LRRIQ1: variants seen among roughly 807,000 people sequenced by gnomAD.
The protein encoded by LRRIQ1 is leucine-rich repeat- and IQ domain-containing protein 1.
A neutral mutation model predicts 211.9 loss-of-function variants in LRRIQ1; 210 were observed. That is an observed-to-expected ratio of 0.99 (90% CI 0.89 to 1.11). The LOEUF is 1.11. LRRIQ1 is among the 50% of genes most tolerant of loss of function. The pLI is 0.00. For missense variants in LRRIQ1, 2,136 were observed against 1,939.5 expected, an observed-to-expected ratio of 1.10 and a Z score of -1.90; for synonymous variants, 699 against 650.1, an observed-to-expected ratio of 1.08 and a Z score of -1.14.
In LRRIQ1 at chr12:85,056,866, T is replaced by G. The variant is rs754756028; in HGVS notation, c.2073T>G (p.Asn691Lys). ...HAPCEGLSNY[N>K]AESSMVSKEV... is the part of the protein sequence containing the mutation. ...CTTGTGAGGGCTTGAGTAACTATAA[T>G]GCAGAAAGCTCCATGGTATCTAAAG... Residue 691 changes from asparagine (N) to lysine (K), a missense_variant, in exon 8 of 27, where the codon AAT becomes AAG. Asn to Lys is a moderately conservative substitution (Grantham distance 94, BLOSUM62 0). Coordinates refer to ENST00000393217, the MANE Select transcript of LRRIQ1 (RefSeq NM_001079910.2). 23 of 1,613,334 alleles carry G rather than the reference T, an allele frequency of 1.4e-5. No homozygotes were observed. Among genetic ancestry groups the G allele is most frequent in the Non-Finnish European group, 1.9e-5 (22 of 1,179,624 alleles).
At chr12:85,176,360 T>C (rs148502344) in intron 24 of LRRIQ1, among the ~76,000 whole-genome samples, 1 of 151,976 alleles carries the variant, frequency 6.6e-6, no homozygotes, top group Admixed American at 6.6e-5. Context: ...TGATTTTGTA[T>C]CATGAGAGTT....
intron 18 of LRRIQ1, among the ~76,000 whole-genome samples, chr12:85,136,703 A>G (rs531387006): frequency 6.6e-6 from 1 of 151,858 alleles, no homozygotes; most frequent in South Asian, 2.1e-4. Context: ...TTCTGTATAT[A>G]TATATATTTC....
chr12:85,257,143 T>A (rs1456958865), intron 1 of LRRIQ1, among the ~76,000 whole-genome samples: 1 of 113,054 alleles, frequency 8.8e-6, no homozygotes, highest in Non-Finnish European at 1.8e-5. Context: ...ATATTATATA[T>A]TTATATGATT....
At chr12:85,075,421 C>T (rs570718250) in intron 11 of LRRIQ1, among the ~76,000 whole-genome samples, 1 of 152,172 alleles carries the variant, frequency 6.6e-6, no homozygotes, top group Middle Eastern at 3.4e-3. Context: ...CTGACATCTG[C>T]TTGGCTTCTA....
At chr12:85,262,737 C>G (rs1407664946) in intron 1 of LRRIQ1, among the ~76,000 whole-genome samples, 1 of 152,060 alleles carries the variant, frequency 6.6e-6, no homozygotes, top group Non-Finnish European at 1.5e-5. Context: ...TTATACCAAT[C>G]TTGATTATAC....
chr12:85,256,483 T>C (rs2137318226), intron 1 of LRRIQ1, among the ~76,000 whole-genome samples: 1 of 151,766 alleles, frequency 6.6e-6, no homozygotes, highest in East Asian at 1.9e-4. Flanking sequence ...TGGAGTGAAA[T>C]AACATAATAA....
chr12:85,090,788 A>T (rs1311520181), intron 11 of LRRIQ1, among the ~76,000 whole-genome samples: 1 of 152,166 alleles, frequency 6.6e-6, no homozygotes, highest in Non-Finnish European at 1.5e-5. Context: ...TTCTGAAATG[A>T]GTTAAGACTT....
chr12:85,211,905 A>T (rs2137072667), intron 24 of LRRIQ1, among the ~76,000 whole-genome samples: 1 of 152,274 alleles, frequency 6.6e-6, no homozygotes, highest in East Asian at 1.9e-4. Flanking sequence ...AGAATCATTC[A>T]GTTGTATGTG....
At chr12:85,053,984 G>T (rs1263393863) in intron 7 of LRRIQ1, among the ~76,000 whole-genome samples, 1 of 152,192 alleles carries the variant, frequency 6.6e-6, no homozygotes, top group African/African-American at 2.4e-5. Context: ...GTGGAATACA[G>T]ATTTATTACC....
intron 24 of LRRIQ1, among the ~76,000 whole-genome samples, chr12:85,193,215 T>C (rs1164201247): frequency 7.8e-6 from 1 of 128,904 alleles, no homozygotes; most frequent in African/African-American, 3.0e-5. Context: ...CTGAAAGTGA[T>C]GGGGAGAATG....
chr12:85,239,675 A>C (rs1033978109), intron 26 of LRRIQ1, among the ~76,000 whole-genome samples: 2 of 152,034 alleles, frequency 1.3e-5, no homozygotes, highest in Admixed American at 1.3e-4. Flanking sequence ...TAAAAGCCAA[A>C]ATTGTAAAAC....
intron 25 of LRRIQ1, among the ~76,000 whole-genome samples, chr12:85,232,495 A>G (rs1462502777): frequency 6.6e-6 from 1 of 152,174 alleles, no homozygotes; most frequent in Non-Finnish European, 1.5e-5. Flanking sequence ...TTAGAAATTG[A>G]GTTTTATCTC....
At chr12:85,123,410 C>G (rs1024875215) in intron 16 of LRRIQ1, among the ~76,000 whole-genome samples, 1 of 151,726 alleles carries the variant, frequency 6.6e-6, no homozygotes, top group Non-Finnish European at 1.5e-5. Context: ...AAAATGTAGC[C>G]AAGAATAAGG....
At chr12:85,114,698 G>T (rs1283821376) in intron 15 of LRRIQ1, among the ~76,000 whole-genome samples, 1 of 151,938 alleles carries the variant, frequency 6.6e-6, no homozygotes, top group East Asian at 1.9e-4. Flanking sequence ...AAAATGATTT[G>T]GCTATAATTT....
At chr12:85,251,501 G>C (rs1895942675) in intron 1 of LRRIQ1, among the ~76,000 whole-genome samples, 1 of 151,834 alleles carries the variant, frequency 6.6e-6, no homozygotes, top group Non-Finnish European at 1.5e-5. Context: ...TTTAGAGTTT[G>C]GGCAGTCTCA....
chr12:85,122,358 A>G (rs754163247), intron 16 of LRRIQ1, among the ~76,000 whole-genome samples: 2 of 152,120 alleles, frequency 1.3e-5, no homozygotes, highest in Non-Finnish European at 2.9e-5. Context: ...AGTAGAAAAA[A>G]GCAGTCAGCA....
intron 24 of LRRIQ1, among the ~76,000 whole-genome samples, chr12:85,194,467 A>C: frequency 6.7e-6 from 1 of 149,824 alleles, no homozygotes; most frequent in African/African-American, 2.5e-5. Context: ...AATTATAACA[A>C]ACTATCTCTC....
At chr12:85,052,982 A>C (rs1015865300) in intron 7 of LRRIQ1, among the ~76,000 whole-genome samples, 5 of 152,130 alleles carry the variant, frequency 3.3e-5, no homozygotes, top group Non-Finnish European at 7.4e-5. Flanking sequence ...TGTGAAAAGA[A>C]AAATAGCATC....
intron 24 of LRRIQ1, among the ~76,000 whole-genome samples, chr12:85,223,868 T>C (rs1894521766): frequency 2.0e-5 from 3 of 152,048 alleles, no homozygotes; most frequent in African/African-American, 7.3e-5. Context: ...ATAATTATAA[T>C]GTTCCATTTC....
Sources: allele counts gnomAD v4.1 joint callset (sites outside exome capture counted in the v4.1 genomes callset), GRCh38; gene constraint gnomAD v4.1.1; transcripts MANE v1.5; gene names NCBI Gene and HGNC (gene_info 2026-07-23, HGNC 2026-07-21).